The following PAK2 variants were observed in gnomAD, a reference collection of about 807,000 sequenced individuals.
The protein encoded by PAK2 is serine/threonine-protein kinase PAK 2.
Under a neutral mutation model 65.9 loss-of-function variants are expected in PAK2, and 21 were observed. That is an observed-to-expected ratio of 0.32 (90% CI 0.23 to 0.46). The LOEUF (loss-of-function observed/expected upper bound fraction) is 0.46. PAK2 is among the 20% of genes least tolerant of loss of function. PAK2 has a pLI of 1.00. For synonymous variants in PAK2, 204 were observed against 219.7 expected (o/e 0.93, Z 0.63); for missense variants, 324 against 642.6 (o/e 0.50, Z 5.36).
At chr3:196,755,669 G>T (rs1387264574) in intron 1 of PAK2, among the ~76,000 whole-genome samples, 2 of 152,048 alleles carry the variant, frequency 1.3e-5, no homozygotes, top group Admixed American at 6.6e-5. Context: ...CGTTGGTCAG[G>T]CTGGTCTCGA....
Position 196,779,324 on chromosome 3 carries a change from C to T in PAK2, c.-21-3302C>T, listed in dbSNP as rs1295594163. Among the ~76,000 whole-genome samples the T allele has an allele frequency of 2.6e-5, 4 of 152,280 alleles. No homozygotes were observed. In the East Asian group the frequency reaches 7.7e-4, roughly 29 times the overall value. On this transcript the variant is annotated intron_variant, in intron 1 of 14. Coordinates refer to ENST00000327134, the MANE Select transcript of PAK2 (RefSeq NM_002577.4). ...CCTATGGAAAATCTTTCCTGTGTCC[C>T]TTTGGCATTTCCTCATCCTTTTAAA...
intron 6 of PAK2, 133 bp downstream of exon 6, chr3:196,806,819 A>G (rs903528234): frequency 8.2e-6 from 5 of 612,274 alleles, no homozygotes; most frequent in Non-Finnish European, 1.2e-5. Flanking sequence ...GGGGAAATTT[A>G]ACCAAGAAAT....
intron 7 of PAK2, among the ~76,000 whole-genome samples, chr3:196,808,543 GT>G (rs1221158300): frequency 4.4e-5 from 4 of 90,128 alleles, no homozygotes; most frequent in Non-Finnish European, 8.4e-5. Flanking sequence ...CCTGGCAACA[GT>G]GAGACTCCAT....
intron 1 of PAK2, 121 bp downstream of exon 1, chr3:196,740,278 G>A (rs1283934527): frequency 6.6e-6 from 1 of 152,234 alleles, no homozygotes; most frequent in African/African-American, 2.4e-5. Context: ...CGCGGGGCCG[G>A]GGAGCCGCCA....
intron 8 of PAK2, among the ~76,000 whole-genome samples, chr3:196,811,756 T>TTA (rs1715834943): frequency 6.6e-6 from 1 of 152,030 alleles, no homozygotes; most frequent in South Asian, 2.1e-4. Flanking sequence ...ACAAAGTATA[T>TTA]TTTATAGGGA....
chr3:196,751,389 T>A (rs1237828878), intron 1 of PAK2, among the ~76,000 whole-genome samples: 1 of 151,832 alleles, frequency 6.6e-6, no homozygotes, highest in African/African-American at 2.4e-5. Context: ...GGCTCACTCC[T>A]GTAATCCTAG....
At chr3:196,748,999 TG>T (rs1225173641) in intron 1 of PAK2, among the ~76,000 whole-genome samples, 2 of 152,200 alleles carry the variant, frequency 1.3e-5, no homozygotes, top group Non-Finnish European at 2.9e-5. Context: ...CTTATGTAAG[TG>T]GAATCATATT....
chr3:196,821,677 C>T (rs1045162689), intron 13 of PAK2, among the ~76,000 whole-genome samples: 6 of 152,200 alleles, frequency 3.9e-5, no homozygotes, highest in Non-Finnish European at 5.9e-5. Context: ...AGCGAAACTC[C>T]GTCTCCATAA....
At chr3:196,778,358 A>G (rs1408651010) in intron 1 of PAK2, among the ~76,000 whole-genome samples, 1 of 152,216 alleles carries the variant, frequency 6.6e-6, no homozygotes, top group Non-Finnish European at 1.5e-5. Context: ...ACATTCATAC[A>G]AAGTTTTTGC....
chr3:196,815,821 C>T (rs1480315768), intron 11 of PAK2, among the ~76,000 whole-genome samples: 3 of 151,790 alleles, frequency 2.0e-5, no homozygotes, highest in South Asian at 4.2e-4. Context: ...GCCACTCAAC[C>T]GTGGAAACTA....
At chr3:196,790,259 A>G (rs557960236) in intron 2 of PAK2, among the ~76,000 whole-genome samples, 278 of 152,324 alleles carry the variant, frequency 1.8e-3, no homozygotes, top group Non-Finnish European at 3.6e-3. Flanking sequence ...AGAATGTGAC[A>G]GTAGCCTACT....
At chr3:196,795,578 C>T (rs780194759) in intron 2 of PAK2, among the ~76,000 whole-genome samples, 10 of 151,992 alleles carry the variant, frequency 6.6e-5, no homozygotes, top group African/African-American at 2.4e-4. Flanking sequence ...AGAGTGATCC[C>T]AGACTTTATT....
chr3:196,803,167 AAG>A lies in PAK2; in HGVS notation c.436+8_436+9del, dbSNP rs1715473959. 6.3e-7 allele frequency: 1 copy of A among 1,596,178 alleles called. No homozygotes were observed. Among genetic ancestry groups the A allele is most frequent in the Non-Finnish European group, 8.5e-7 (1 of 1,171,528 alleles). On this transcript the variant is annotated splice_donor_5th_base_variant and intron_variant, in intron 4 of 14. Transcript: ENST00000327134. ...ATATCTGAGCTTTACTCCTCCTGGT[AAG>A]AGAGTGGCATAAGGCTGGATCAGAT...
At position 196,808,665 on chromosome 3, in the gene PAK2, C is replaced by G. The variant is rs551699143; in HGVS notation, c.709+751C>G. ...GGATCACTTGAGGTCAGGAGCAAGACTAGCCTGGCCAATGTGGCAAAACCC... is the reference window on the plus strand; with the variant it reads ...GGATCACTTGAGGTCAGGAGCAAGAGTAGCCTGGCCAATGTGGCAAAACCC... On this transcript the variant is annotated intron_variant, in intron 7 of 14. Coordinates refer to ENST00000327134, the MANE Select transcript of PAK2 (RefSeq NM_002577.4). Among the ~76,000 whole-genome samples, 38 of 151,220 alleles carry G rather than the reference C, an allele frequency of 2.5e-4. No homozygotes were observed. In the South Asian group the frequency reaches 5.2e-3, roughly 21 times the overall value.
intron 2 of PAK2, among the ~76,000 whole-genome samples, chr3:196,794,589 C>A (rs764703941): frequency 2.0e-5 from 3 of 152,176 alleles, no homozygotes; most frequent in Admixed American, 1.3e-4. Context: ...TGGCAGGAGG[C>A]CTGTCCCTGC....
intron 4 of PAK2, among the ~76,000 whole-genome samples, chr3:196,804,805 T>A (rs372330755): frequency 6.7e-5 from 4 of 59,770 alleles, no homozygotes; most frequent in East Asian, 1.3e-3. Flanking sequence ...TGTGTGTGTG[T>A]GATATATATA....
At chr3:196,783,603 G>C (rs998162376) in intron 2 of PAK2, among the ~76,000 whole-genome samples, 2 of 148,934 alleles carry the variant, frequency 1.3e-5, no homozygotes, top group South Asian at 4.2e-4. Flanking sequence ...AAAAGTGTAC[G>C]TATATATATG....
chr3:196,748,864 T>A (rs1713476564), intron 1 of PAK2, among the ~76,000 whole-genome samples: 1 of 152,204 alleles, frequency 6.6e-6, no homozygotes, highest in Non-Finnish European at 1.5e-5. Context: ...ACATTTATAG[T>A]GTGCAATTAT....
chr3:196,787,217 A>G (rs750981423), intron 2 of PAK2, among the ~76,000 whole-genome samples: 65 of 152,278 alleles, frequency 4.3e-4, no homozygotes, highest in Non-Finnish European at 7.6e-4. Context: ...GCATCTTTCT[A>G]TAAATTTTAG....
Sources: allele counts gnomAD v4.1 joint callset (sites outside exome capture counted in the v4.1 genomes callset), GRCh38; gene constraint gnomAD v4.1.1; transcripts MANE v1.5; gene names NCBI Gene and HGNC (gene_info 2026-07-23, HGNC 2026-07-21).